The following NEBL variants were observed in gnomAD, a reference collection of about 807,000 sequenced individuals.
NEBL encodes the protein LIM and SH3 protein 2.
In NEBL, 122 loss-of-function variants were observed where a neutral mutation model predicts 140.2. That is an observed-to-expected ratio of 0.87 (90% CI 0.75 to 1.01). NEBL has a LOEUF of 1.01. Among genes scored for constraint, NEBL ranks in the 50% least tolerant of loss-of-function variants. The pLI is 0.00. For synonymous variants in NEBL, 436 were observed against 398.9 expected, an observed-to-expected ratio of 1.09 and a Z score of -1.11; for missense variants, 1,365 against 1,231.3, an observed-to-expected ratio of 1.11 and a Z score of -1.62.
At chr10:20,906,101 G>A (rs1481088537) in intron 4 of NEBL, among the ~76,000 whole-genome samples, 14 of 152,070 alleles carry the variant, frequency 9.2e-5, no homozygotes, top group Non-Finnish European at 1.5e-4. Flanking sequence ...ATGAATCTTT[G>A]GAAGAAAAAT....
At chr10:20,976,919 C>T (rs1032982371) in intron 3 of NEBL, among the ~76,000 whole-genome samples, 12 of 134,698 alleles carry the variant, frequency 8.9e-5, no homozygotes, top group Non-Finnish European at 1.6e-4. Flanking sequence ...CCTGAATCTA[C>T]ATTAAAAAAA....
chr10:20,827,741 C>A (rs1410629357), intron 17 of NEBL, among the ~76,000 whole-genome samples: 10 of 152,068 alleles, frequency 6.6e-5, no homozygotes, highest in Admixed American at 6.6e-4. Context: ...ACCATGCAGT[C>A]ATAAAAAAGA....
At chr10:20,968,568 G>A (rs17810616) in intron 3 of NEBL, among the ~76,000 whole-genome samples, 2,738 of 152,166 alleles carry the variant, frequency 0.018, 34 homozygotes, top group Non-Finnish European at 0.027. Flanking sequence ...GAAGTTCAAG[G>A]GGATGCGTCG....
At chr10:21,161,433 A>C (rs1370834593) in intron 2 of NEBL, among the ~76,000 whole-genome samples, 4 of 152,094 alleles carry the variant, frequency 2.6e-5, no homozygotes, top group Non-Finnish European at 5.9e-5. Flanking sequence ...TGCCCCCAAC[A>C]AAGCTAGATG....
At chr10:20,986,540 C>A (rs1837265755) in intron 3 of NEBL, among the ~76,000 whole-genome samples, 1 of 152,260 alleles carries the variant, frequency 6.6e-6, no homozygotes, top group South Asian at 2.1e-4. Flanking sequence ...TAAATAATGG[C>A]TAAAGAAGAT....
intron 3 of NEBL, among the ~76,000 whole-genome samples, chr10:20,986,307 A>T (rs1263684343): frequency 6.6e-6 from 1 of 152,216 alleles, no homozygotes; most frequent in African/African-American, 2.4e-5. Flanking sequence ...ACAAACACAG[A>T]TTTTAAAATA....
chr10:21,194,349 GAAAA>G (rs907708858), intron 3 of NEBL, among the ~76,000 whole-genome samples: 3 of 151,674 alleles, frequency 2.0e-5, no homozygotes, highest in Admixed American at 6.6e-5. Context: ...TTTTTTAATA[GAAAA>G]AAAGTTATTG....
chr10:21,071,999 G>T (rs1835839464), intron 2 of NEBL, among the ~76,000 whole-genome samples: 1 of 152,048 alleles, frequency 6.6e-6, no homozygotes, highest in Non-Finnish European at 1.5e-5. Context: ...TTGTGTTTTA[G>T]TAGAGATGGG....
At chr10:20,823,123 G>T (rs1378207896) in intron 19 of NEBL, 85 bp downstream of exon 19, 28 of 983,472 alleles carry the variant, frequency 2.8e-5, no homozygotes, top group Non-Finnish European at 4.2e-5. Context: ...CATTGTGATG[G>T]CATTTGACCT....
At chr10:20,865,639 CCT>C (rs1355229802) in intron 7 of NEBL, among the ~76,000 whole-genome samples, 1 of 152,132 alleles carries the variant, frequency 6.6e-6, no homozygotes, top group African/African-American at 2.4e-5. Flanking sequence ...GCCCATATCC[CCT>C]GTCTCTTCAA....
At chr10:21,027,917 T>A (rs1833582559) in intron 2 of NEBL, among the ~76,000 whole-genome samples, 2 of 152,046 alleles carry the variant, frequency 1.3e-5, no homozygotes, top group Admixed American at 1.3e-4. Flanking sequence ...TCATTCAAAA[T>A]TATCTTTAAA....
intron 2 of NEBL, among the ~76,000 whole-genome samples, chr10:21,141,074 A>G (rs946814058): frequency 8.8e-4 from 134 of 151,458 alleles, no homozygotes; most frequent in Non-Finnish European, 1.5e-3. Context: ...AAAAAAAAAA[A>G]CCTGCTCTAT....
At chr10:20,881,886 G>A (rs572298675) in intron 4 of NEBL, among the ~76,000 whole-genome samples, 1 of 152,170 alleles carries the variant, frequency 6.6e-6, no homozygotes, top group Non-Finnish European at 1.5e-5. Context: ...AATGGAGTTG[G>A]AATTACTTGA....
At position 20,985,787 on chromosome 10, in the gene NEBL, C is replaced by T. The variant is rs189904382; in HGVS notation, c.250-24008G>A. 3.3e-5 allele frequency among the ~76,000 whole-genome samples: 5 copies of T among 151,774 alleles called. No individual in the cohort carries two copies. In the East Asian group the frequency reaches 9.7e-4, roughly 29 times the overall value. ...CTAAAAAGGTAAGTGAAAGCTATAA[C>T]GAAAATTATGTTTTTAAAAAAAACC... On this transcript the variant is annotated intron_variant, in intron 3 of 6. Transcript: ENST00000417816.
chr10:21,001,384 T>A (rs947553681), intron 3 of NEBL, among the ~76,000 whole-genome samples: 3 of 152,068 alleles, frequency 2.0e-5, no homozygotes, highest in Admixed American at 6.6e-5. Context: ...ACAGCCAGAG[T>A]TCTTCCTATC....
chr10:20,941,385 C>CG (rs1834855920), intron 4 of NEBL, among the ~76,000 whole-genome samples: 1 of 152,250 alleles, frequency 6.6e-6, no homozygotes, highest in East Asian at 1.9e-4. Context: ...AATTCAACAA[C>CG]CTTCATGCTA....
intron 4 of NEBL, among the ~76,000 whole-genome samples, chr10:20,943,592 T>TA (rs954385974): frequency 8.8e-5 from 13 of 148,240 alleles, no homozygotes; most frequent in South Asian, 4.3e-4. Context: ...AGTATAATAA[T>TA]AAAAAAAAAA....
intron 2 of NEBL, among the ~76,000 whole-genome samples, chr10:21,073,452 A>G (rs1835911852): frequency 6.6e-6 from 1 of 151,598 alleles, no homozygotes; most frequent in African/African-American, 2.4e-5. Flanking sequence ...CCCCATCTCT[A>G]CTAAAAACAC....
chr10:21,273,181 G>A (rs1842879309), intron 1 of NEBL, among the ~76,000 whole-genome samples: 1 of 152,104 alleles, frequency 6.6e-6, no homozygotes, highest in Non-Finnish European at 1.5e-5. Flanking sequence ...GTGGGGAGGT[G>A]AGAGTTCCCT....
Sources: allele counts gnomAD v4.1 joint callset (sites outside exome capture counted in the v4.1 genomes callset), GRCh38; gene constraint gnomAD v4.1.1; transcripts MANE v1.5; gene names NCBI Gene and HGNC (gene_info 2026-07-23, HGNC 2026-07-21).